Variants in TRPM3 observed in about 807,000 individuals in gnomAD.
The protein encoded by TRPM3 is long transient receptor potential channel 3.
A neutral mutation model predicts 181.2 loss-of-function variants in TRPM3; 77 were observed. That is an observed-to-expected ratio of 0.42 (90% confidence interval 0.35 to 0.51). TRPM3 has a LOEUF of 0.51. Among genes scored for constraint, TRPM3 ranks in the 20% least tolerant of loss-of-function variants. TRPM3 has a pLI of 0.01. For synonymous variants in TRPM3, 745 were observed against 796.4 expected (o/e 0.94, Z 1.09); for missense variants, 1,759 against 2,196.7 (o/e 0.80, Z 3.98).
Position 71,414,905 on chromosome 9 carries a change from T to C in TRPM3, c.183+31748A>G, listed in dbSNP as rs567477834. 2.0e-5 allele frequency among the ~76,000 whole-genome samples: 3 copies of C among 152,206 alleles called. No individual in the cohort carries two copies. The East Asian group carries it at 5.8e-4, about 29-fold the overall frequency. ...TAGCAGGCTTCATTTTTTTAGGTCATTGTAACAGCCTGCATCATGGCCCTT... is the reference window on the plus strand; with the variant it reads ...TAGCAGGCTTCATTTTTTTAGGTCACTGTAACAGCCTGCATCATGGCCCTT... On this transcript the variant is annotated intron_variant, in intron 1 of 24. Transcript: ENST00000357533.
chr9:70,785,568 CT>C (rs1369528905), intron 6 of TRPM3, among the ~76,000 whole-genome samples: 1 of 152,146 alleles, frequency 6.6e-6, no homozygotes, highest in Non-Finnish European at 1.5e-5. Context: ...AATAAAACAA[CT>C]CTTGGACATC....
chr9:70,631,418 G>T (rs1455887505), intron 12 of TRPM3, among the ~76,000 whole-genome samples: 2 of 138,624 alleles, frequency 1.4e-5, no homozygotes, highest in East Asian at 2.1e-4. Context: ...CCATGTAAAT[G>T]AACTTTAAAT....
intron 1 of TRPM3, among the ~76,000 whole-genome samples, chr9:71,247,464 A>T (rs555946627): frequency 1.4e-4 from 22 of 152,228 alleles, no homozygotes; most frequent in African/African-American, 5.1e-4. Flanking sequence ...AAATCAGTAC[A>T]AAGTGCCTAG....
intron 1 of TRPM3, among the ~76,000 whole-genome samples, chr9:71,196,315 A>C (rs2078359088): frequency 6.6e-6 from 1 of 151,726 alleles, no homozygotes; most frequent in African/African-American, 2.4e-5. Context: ...TGGCCAAAAA[A>C]AGTCACACAC....
chr9:70,637,257 G>A (rs2057357750), intron 11 of TRPM3, among the ~76,000 whole-genome samples: 1 of 152,062 alleles, frequency 6.6e-6, no homozygotes, highest in South Asian at 2.1e-4. Context: ...TATCTGATGG[G>A]GTTGTTGTGA....
intron 1 of TRPM3, among the ~76,000 whole-genome samples, chr9:70,883,962 C>A (rs998003985): frequency 6.6e-6 from 1 of 152,020 alleles, no homozygotes; most frequent in Non-Finnish European, 1.5e-5. Context: ...ATATCAGGGG[C>A]AAGATCCTAG....
At chr9:71,400,506 TG>T (rs1387275730) in intron 1 of TRPM3, among the ~76,000 whole-genome samples, 1 of 152,176 alleles carries the variant, frequency 6.6e-6, no homozygotes, top group African/African-American at 2.4e-5. Context: ...AAGAGTTGCA[TG>T]GGGGTAAAAG....
chr9:71,280,140 A>G (rs1022972403), intron 1 of TRPM3, among the ~76,000 whole-genome samples: 1 of 151,910 alleles, frequency 6.6e-6, no homozygotes, highest in African/African-American at 2.4e-5. Flanking sequence ...ATGTAAAACC[A>G]ATTATGCTCT....
intron 5 of TRPM3, among the ~76,000 whole-genome samples, chr9:70,828,225 A>T (rs113077032): frequency 3.3e-5 from 5 of 152,344 alleles, no homozygotes; most frequent in South Asian, 2.1e-4. Context: ...TGCTTAAATG[A>T]GTATTTATTT....
intron 6 of TRPM3, among the ~76,000 whole-genome samples, chr9:70,797,534 A>G (rs1433949510): frequency 1.3e-5 from 2 of 152,074 alleles, no homozygotes; most frequent in African/African-American, 2.4e-5. Flanking sequence ...TCTCTTCCAG[A>G]GCTCTCTCTC....
intron 1 of TRPM3, among the ~76,000 whole-genome samples, chr9:71,093,857 C>T (rs892742480): frequency 6.6e-6 from 1 of 151,966 alleles, no homozygotes; most frequent in African/African-American, 2.4e-5. Flanking sequence ...TCAAGATAGA[C>T]TGGATAAAGA....
chr9:70,863,770 T>C (rs1797478333), intron 2 of TRPM3, among the ~76,000 whole-genome samples: 1 of 152,142 alleles, frequency 6.6e-6, no homozygotes. Flanking sequence ...TAGCTGCCAT[T>C]TATTAAAAAC....
At chr9:70,884,948 G>C (rs2096062490) in intron 1 of TRPM3, among the ~76,000 whole-genome samples, 2 of 152,134 alleles carry the variant, frequency 1.3e-5, no homozygotes, top group African/African-American at 4.8e-5. Flanking sequence ...AAAAATCACA[G>C]ATAATTCCAT....
chr9:70,603,406 G>A lies in TRPM3; in HGVS notation c.2732C>T (p.Pro911Leu), dbSNP rs1272944466. ...YIVLVKMERW[P>L]STQEWIVISY... ...GATTACGATCCATTCCTGGGTGGAC[G>A]GCCAGCGTTCCATCTTCACTAACAC... Residue 911 changes from proline to leucine, a missense_variant, in exon 20 of 26, where the codon CCG becomes CTG. Physicochemically the swap from Pro to Leu is moderately conservative, Grantham distance 98. Transcript: ENST00000677713. 15 of 1,614,038 alleles carry A rather than the reference G, an allele frequency of 9.3e-6. No homozygotes were observed. Among genetic ancestry groups the A allele is most frequent in the Non-Finnish European group, 1.1e-5 (13 of 1,179,974 alleles).
At chr9:71,284,992 A>C (rs1004417905) in intron 1 of TRPM3, among the ~76,000 whole-genome samples, 1 of 152,210 alleles carries the variant, frequency 6.6e-6, no homozygotes, top group South Asian at 2.1e-4. Flanking sequence ...TAAAAAATAC[A>C]TTTTCCATAA....
At chr9:71,237,095 G>GATGGGGA (rs1386982688) in intron 1 of TRPM3, among the ~76,000 whole-genome samples, 2 of 143,966 alleles carry the variant, frequency 1.4e-5, no homozygotes, top group African/African-American at 2.6e-5. Flanking sequence ...AGGGAAGGGG[G>GATGGGGA]ATGGGGAAAG....
chr9:71,251,541 A>C (rs1201513537), intron 1 of TRPM3, among the ~76,000 whole-genome samples: 1 of 152,144 alleles, frequency 6.6e-6, no homozygotes, highest in African/African-American at 2.4e-5. Context: ...TTAACATTAG[A>C]ATACTCACTT....
intron 8 of TRPM3, among the ~76,000 whole-genome samples, chr9:70,752,941 C>T (rs1587852521): frequency 6.6e-6 from 1 of 152,086 alleles, no homozygotes; most frequent in South Asian, 2.1e-4. Flanking sequence ...GAAACCCCAT[C>T]TCTACTAAAA....
chr9:70,649,398 GA>G (rs905444511), intron 9 of TRPM3, among the ~76,000 whole-genome samples: 1 of 151,986 alleles, frequency 6.6e-6, no homozygotes, highest in Non-Finnish European at 1.5e-5. Flanking sequence ...CATGTTGGCC[GA>G]GTTGGTCTCG....
Sources: gnomAD v4.1 joint callset for allele counts (sites outside exome capture counted in the v4.1 genomes callset) on GRCh38, gnomAD v4.1.1 for gene constraint, MANE v1.5 for transcripts, NCBI Gene and HGNC (gene_info 2026-07-23, HGNC 2026-07-21) for gene names.